SLC8A2: variants seen among roughly 807,000 people sequenced by gnomAD.
SLC8A2 encodes the protein sodium/calcium exchanger 2.
Under a neutral mutation model 70.2 loss-of-function variants are expected in SLC8A2, and 14 were observed. The observed-to-expected ratio is 0.20, with a 90% CI of 0.13 to 0.31. The LOEUF (loss-of-function observed/expected upper bound fraction) is 0.31, where lower values mean the gene tolerates loss of function less well. Ranked by LOEUF, SLC8A2 falls within the 10% of genes least tolerant of loss-of-function variation. SLC8A2 has a pLI of 1.00. For synonymous variants in SLC8A2, 575 were observed against 594.3 expected (o/e 0.97, Z 0.47); for missense variants, 779 against 1,320.1 (o/e 0.59, Z 6.35).
At chr19:47,444,696 G>A (rs937850221) in intron 4 of SLC8A2, among the ~76,000 whole-genome samples, 1 of 152,156 alleles carries the variant, frequency 6.6e-6, no homozygotes, top group Non-Finnish European at 1.5e-5. Flanking sequence ...CGTCAACTGC[G>A]CCTGGCAGGC....
In SLC8A2 at chr19:47,447,263, C is replaced by A. The variant is rs1967175830; in HGVS notation, c.1763+546G>T. 6.6e-6 allele frequency among the ~76,000 whole-genome samples: 1 copy of A among 151,852 alleles called. No homozygotes were observed. Among genetic ancestry groups the A allele is most frequent in the Admixed American group, 6.6e-5 (1 of 15,236 alleles). ...CTATCGCCCTGGACCCGCCCCCTCT[C>A]CACAGCCACCGACAGCGTCTCATCT... On this transcript the variant is annotated intron_variant, in intron 4 of 9. Transcript: ENST00000236877. The surrounding 1 kb of genome is among the most constrained non-coding windows in gnomAD (Gnocchi z 5.1).
intron 8 of SLC8A2, among the ~76,000 whole-genome samples, chr19:47,435,556 T>TA (rs1967017795): frequency 6.6e-6 from 1 of 151,304 alleles, no homozygotes; most frequent in Non-Finnish European, 1.5e-5. Flanking sequence ...CTTCGTTTTT[T>TA]TTTTTTTTTT....
chr19:47,458,697 G>GT (rs1295004757), intron 2 of SLC8A2, among the ~76,000 whole-genome samples: 1 of 142,448 alleles, frequency 7.0e-6, no homozygotes, highest in Non-Finnish European at 1.5e-5. Context: ...ATGTCTGGAC[G>GT]TGTCTCCATG....
chr19:47,434,938 G>A (rs1967007436), intron 8 of SLC8A2, among the ~76,000 whole-genome samples: 1 of 152,222 alleles, frequency 6.6e-6, no homozygotes, highest in Admixed American at 6.5e-5. Flanking sequence ...GCTGGGCACA[G>A]TAGCTTACAC....
intron 2 of SLC8A2, among the ~76,000 whole-genome samples, chr19:47,463,598 G>C (rs1429013952): frequency 6.7e-6 from 1 of 149,452 alleles, no homozygotes; most frequent in Non-Finnish European, 1.5e-5. Flanking sequence ...TGACGTGGTG[G>C]AACACACCTG....
intron 2 of SLC8A2, among the ~76,000 whole-genome samples, chr19:47,458,812 G>A (rs538512681): frequency 9.7e-5 from 14 of 144,022 alleles, no homozygotes; most frequent in African/African-American, 2.1e-4. Flanking sequence ...CCCCTCTCCC[G>A]TCACCGTTTC....
intron 9 of SLC8A2, among the ~76,000 whole-genome samples, chr19:47,431,041 T>C (rs1018492358): frequency 1.3e-5 from 2 of 151,800 alleles, no homozygotes; most frequent in East Asian, 3.9e-4. Context: ...TTGTTTGTTT[T>C]GTTTTGAGAC....
chr19:47,439,368 A>T (rs1373406005), intron 6 of SLC8A2, among the ~76,000 whole-genome samples: 1 of 151,978 alleles, frequency 6.6e-6, no homozygotes, highest in Admixed American at 6.6e-5. Context: ...TCTCTACTAA[A>T]AAATACAAAA....
At chr19:47,435,395 C>T (rs1466534587) in intron 8 of SLC8A2, among the ~76,000 whole-genome samples, 2 of 152,128 alleles carry the variant, frequency 1.3e-5, no homozygotes, top group Non-Finnish European at 2.9e-5. Flanking sequence ...CCTCCCACCT[C>T]GTTTCAGTTC....
At position 47,457,606 on chromosome 19, in the gene SLC8A2, G is replaced by C; in HGVS notation, c.676-12C>G. Reference sequence around the variant, plus strand: ...AGCGCCTCCCACACCTGCGGGCGGCGGGCGTCAGGGCGAGGCCGGGCGGGC... The same window carrying C: ...AGCGCCTCCCACACCTGCGGGCGGCCGGCGTCAGGGCGAGGCCGGGCGGGC... On this transcript the variant is annotated splice_polypyrimidine_tract_variant and intron_variant, in intron 2 of 9. Transcript: ENST00000236877. 1 of 1,523,282 alleles carries C rather than the reference G, an allele frequency of 6.6e-7. No homozygotes were observed. The highest frequency in any genetic ancestry group is 8.8e-7 in the Non-Finnish European group (1 of 1,136,080). 94.4% of individuals were successfully genotyped at this position (1,523,282 alleles called of 1,614,324 possible).
intron 3 of SLC8A2, among the ~76,000 whole-genome samples, chr19:47,452,435 AGAGAGAGAGAGTGTGTGTGTGTGTGT>A (rs1967251998): frequency 1.5e-4 from 14 of 94,890 alleles, no homozygotes; most frequent in African/African-American, 2.3e-4. Flanking sequence ...AGAGAGAGAG[AGAGAGAGAGAGTGTGTGTGTGTGTGT>A]GTGTGTGTGT....
chr19:47,433,996 C>G (rs749184799), intron 8 of SLC8A2, among the ~76,000 whole-genome samples: 4 of 152,176 alleles, frequency 2.6e-5, no homozygotes, highest in Non-Finnish European at 4.4e-5. Context: ...TTTTGTTTAC[C>G]TCACCCTAAG....
rs536605088 is a variant in SLC8A2 at position 47,459,579 on chromosome 19, CGT to C, written c.676-1987_676-1986del. ...ATGTGCATGTGTATATGTGTATGTGCGTGTGTGTGTCCTGTGTGTGCGTGCTT... is the reference window on the plus strand; with the variant it reads ...ATGTGCATGTGTATATGTGTATGTGCGTGTGTGTCCTGTGTGTGCGTGCTT... On this transcript the variant is annotated intron_variant, in intron 2 of 9. Coordinates refer to ENST00000236877, the MANE Select transcript of SLC8A2 (RefSeq NM_015063.3). Among the ~76,000 whole-genome samples the C allele has an allele frequency of 9.3e-4, 141 of 151,078 alleles. No individual in the cohort carries two copies. In the Middle Eastern group the frequency reaches 0.01, roughly 11 times the overall value.
At chr19:47,435,320 C>T (rs1967013279) in intron 8 of SLC8A2, among the ~76,000 whole-genome samples, 2 of 152,100 alleles carry the variant, frequency 1.3e-5, no homozygotes, top group South Asian at 4.1e-4. Context: ...ATCTAATCAC[C>T]TGATCTAACC....
chr19:47,442,578 A>G (rs1413759883), intron 4 of SLC8A2, among the ~76,000 whole-genome samples: 3 of 151,826 alleles, frequency 2.0e-5, no homozygotes, highest in Admixed American at 2.0e-4. Context: ...TTCAAACTTC[A>G]CCTTCTCAAT....
At chr19:47,461,063 G>A (rs1021099902) in intron 2 of SLC8A2, among the ~76,000 whole-genome samples, 7 of 151,786 alleles carry the variant, frequency 4.6e-5, no homozygotes, top group African/African-American at 9.7e-5. Flanking sequence ...GGTGGCAGGC[G>A]CCTGTAATCC....
chr19:47,429,280 TC>T lies in SLC8A2; in HGVS notation c.*808del, dbSNP rs2122606295. On this transcript the variant is annotated 3_prime_UTR_variant, in exon 10 of 10. Coordinates refer to ENST00000236877, the MANE Select transcript of SLC8A2 (RefSeq NM_015063.3). ...TTCCCAAGACATGCACCCTCCCGCG[TC>T]CCCCCTCCCCCAAACACACTATATA... The T allele has an allele frequency of 1.3e-5, 2 of 151,796 alleles. No individual in the cohort carries two copies. The highest frequency in any genetic ancestry group is 2.0e-4 in the East Asian group (1 of 5,120). 9.4% of individuals were successfully genotyped at this position (151,796 alleles called of 1,614,324 possible).
intron 3 of SLC8A2, among the ~76,000 whole-genome samples, chr19:47,454,814 G>A (rs923377267): frequency 2.6e-5 from 4 of 152,142 alleles, no homozygotes; most frequent in Admixed American, 6.6e-5. Context: ...TGCCAGGTGC[G>A]GTGGCTCACG....
chr19:47,452,408 G>T (rs1474821408), intron 3 of SLC8A2, among the ~76,000 whole-genome samples: 11 of 60,372 alleles, frequency 1.8e-4, no homozygotes, highest in African/African-American at 6.9e-4. Context: ...GAGAGAGAGA[G>T]AGAGAGAGAG....
Sources: gnomAD v4.1 joint callset for allele counts (sites outside exome capture counted in the v4.1 genomes callset) on GRCh38, gnomAD v4.1.1 for gene constraint, Gnocchi (gnomAD v3.1) non-coding constraint, MANE v1.5 for transcripts, NCBI Gene and HGNC (gene_info 2026-07-23, HGNC 2026-07-21) for gene names.